NEUROD4: variants seen among roughly 807,000 people sequenced by gnomAD.
The protein encoded by NEUROD4 is neuronal differentiation 4, also known as neurogenic differentiation factor 4.
A neutral mutation model predicts 19.8 loss-of-function variants in NEUROD4; 16 were observed. The ratio of observed to expected loss-of-function variants is 0.81; its 90% CI spans 0.55 to 1.23. The LOEUF (loss-of-function observed/expected upper bound fraction) is 1.23, where lower values mean the gene tolerates loss of function less well. Among genes scored for constraint, NEUROD4 ranks in the 50% most tolerant of loss-of-function variants. NEUROD4 has a pLI of 0.00. For missense variants in NEUROD4, 439 were observed against 398.6 expected (o/e 1.10, Z -0.86); for synonymous variants, 153 against 147.9 (o/e 1.03, Z -0.25).
chr12:55,026,361 AT>A, intron 1 of NEUROD4, 69 bp from the exon 2 acceptor site: 2 of 1,342,404 alleles, frequency 1.5e-6, no homozygotes, highest in South Asian at 1.5e-5. Context: ...ATAATTACAT[AT>A]AAAAAACTTT....
intron 1 of NEUROD4, among the ~76,000 whole-genome samples, chr12:55,022,983 A>T (rs1380469633): frequency 1.3e-5 from 2 of 152,186 alleles, no homozygotes; most frequent in Non-Finnish European, 2.9e-5. Context: ...AAAACTTAAC[A>T]TGAAATTCAT....
chr12:55,023,353 A>T (rs1952688368), intron 1 of NEUROD4, among the ~76,000 whole-genome samples: 1 of 152,208 alleles, frequency 6.6e-6, no homozygotes, highest in South Asian at 2.1e-4. Context: ...TTATTTTTGA[A>T]TAAGCAAACG....
chr12:55,025,567 C>T, intron 1 of NEUROD4, among the ~76,000 whole-genome samples: 1 of 152,150 alleles, frequency 6.6e-6, no homozygotes, highest in East Asian at 1.9e-4. Flanking sequence ...GCAGTGATAA[C>T]CCTCCTTTCT....
Position 55,027,530 on chromosome 12 carries a change from A to G in NEUROD4, c.*95A>G, listed in dbSNP as rs528450436. 4 of 1,152,362 alleles carry G rather than the reference A, an allele frequency of 3.5e-6. No individual in the cohort carries two copies. Among genetic ancestry groups the G allele is most frequent in the Middle Eastern group, 3.0e-4 (1 of 3,366 alleles). 71.4% of individuals were successfully genotyped at this position (1,152,362 alleles called of 1,614,324 possible). Reference sequence around the variant, plus strand: ...GATTCAATGACCTTAAAGGATCCCTATGGATATATATCAAACAATAGTTCA... The same window carrying G: ...GATTCAATGACCTTAAAGGATCCCTGTGGATATATATCAAACAATAGTTCA... On this transcript the variant is annotated 3_prime_UTR_variant, in exon 2 of 2. Transcript: ENST00000242994.
Position 55,026,800 on chromosome 12 carries a change from CA to C in NEUROD4, c.366del (p.Lys122AsnfsTer5). ...AGTCATGCCATGCTACTCTAAAACC[CA>C]AAAACTTTCCAAGATAGAGACTCTT... Reference protein sequence around the residue: ...RRVMPCYSKTQKLSKIETLRL... With the variant: ...RRVMPCYSKTXKLSKIETLRL... On this transcript the variant is annotated frameshift_variant, in exon 2 of 2. Transcript: ENST00000242994. LOFTEE classifies it high-confidence loss of function. 2 of 1,614,118 alleles carry C rather than the reference CA, an allele frequency of 1.2e-6. No homozygotes were observed. Among genetic ancestry groups the C allele is most frequent in the Non-Finnish European group, 1.7e-6 (2 of 1,180,014 alleles).
rs1358592995 is a variant in NEUROD4 at position 55,026,771 on chromosome 12, G to A, written c.332G>A (p.Arg111Lys). 8 of 1,614,030 alleles carry A rather than the reference G, an allele frequency of 5.0e-6. No homozygotes were observed. Among genetic ancestry groups the A allele is most frequent in the Non-Finnish European group, 5.9e-6 (7 of 1,180,004 alleles). The change falls in exon 2 of 2, where the codon AGG becomes AAG. Residue 111 changes from arginine (R) to lysine (K), a missense_variant. Transcript: ENST00000242994. ...HGLNDALDNL[R>K]RVMPCYSKTQ... Reference sequence around the variant, plus strand: ...CTGAATGACGCCCTGGATAACCTGAGGCGAGTCATGCCATGCTACTCTAAA... The same window carrying A: ...CTGAATGACGCCCTGGATAACCTGAAGCGAGTCATGCCATGCTACTCTAAA...
rs1338835828 is a variant in NEUROD4, at chr12:55,028,451, T to C, written c.*1016T>C. ...TAGCTATTGGCTATAATAACTACTA[T>C]AGTTCAGGGACTCTCTCCAGCTCAC... is the stretch of plus-strand genomic sequence containing the variant. On this transcript the variant is annotated 3_prime_UTR_variant, in exon 2 of 2. Coordinates refer to ENST00000242994, the MANE Select transcript of NEUROD4 (RefSeq NM_021191.3). 2 of 167,036 alleles carry C rather than the reference T, an allele frequency of 1.2e-5. No individual in the cohort carries two copies. The highest frequency in any genetic ancestry group is 4.8e-5 in the African/African-American group (2 of 41,448). 10.3% of individuals were successfully genotyped at this position (167,036 alleles called of 1,614,324 possible).
At chr12:55,021,537 T>A (rs1327356076) in intron 1 of NEUROD4, among the ~76,000 whole-genome samples, 2 of 152,150 alleles carry the variant, frequency 1.3e-5, no homozygotes, top group African/African-American at 4.8e-5. Context: ...AAATAAAAAA[T>A]TTGTAAAAGT....
chr12:55,024,246 C>A (rs1041084483), intron 1 of NEUROD4, among the ~76,000 whole-genome samples: 5 of 152,122 alleles, frequency 3.3e-5, no homozygotes, highest in Admixed American at 6.6e-5. Flanking sequence ...GCCTTTCTTT[C>A]TTCCTATAGC....
Position 55,027,500 on chromosome 12 carries a change from C to T in NEUROD4, c.*65C>T, listed in dbSNP as rs1211033697. The T allele has an allele frequency of 6.8e-7, 1 of 1,463,408 alleles. No individual in the cohort carries two copies. Among genetic ancestry groups the T allele is most frequent in the East Asian group, 2.3e-5 (1 of 43,942 alleles). The allele number at this position is 1,463,408 out of a possible 1,614,324, so 90.7% of individuals were successfully genotyped here. A position where few individuals can be genotyped will look rare whatever the true frequency, so the allele number is the denominator to read the frequency against. Reference sequence around the variant, plus strand: ...ATTTTCCATAATTCAAGTGGTTGAGCTAAAGATTCAATGACCTTAAAGGAT... The same window carrying T: ...ATTTTCCATAATTCAAGTGGTTGAGTTAAAGATTCAATGACCTTAAAGGAT... On this transcript the variant is annotated 3_prime_UTR_variant, in exon 2 of 2. Transcript: ENST00000242994.
rs1952748878 is a variant in NEUROD4, at chr12:55,027,445, G to A, written c.*10G>A. ...AGTCTTCACTGAGTGAGGCAGTTAA[G>A]TTCAATGTTTCAGAGAATGACGTGG... On this transcript the variant is annotated 3_prime_UTR_variant, in exon 2 of 2. Coordinates refer to ENST00000242994, the MANE Select transcript of NEUROD4 (RefSeq NM_021191.3). The A allele has an allele frequency of 6.3e-7, 1 of 1,577,152 alleles. No homozygotes were observed. The highest frequency in any genetic ancestry group is 1.4e-5 in the African/African-American group (1 of 73,410).
intron 1 of NEUROD4, among the ~76,000 whole-genome samples, chr12:55,024,153 A>G (rs144566455): frequency 5.4e-4 from 82 of 152,220 alleles, no homozygotes; most frequent in African/African-American, 1.9e-3. Flanking sequence ...AAGGGGGAGG[A>G]TGAGGAAGAG....
Position 55,027,408 on chromosome 12 carries a change from C to G in NEUROD4, c.969C>G (p.Thr323=), listed in dbSNP as rs755025986. 1 of 1,611,314 alleles carries G rather than the reference C, an allele frequency of 6.2e-7. No individual in the cohort carries two copies. Among genetic ancestry groups the G allele is most frequent in the South Asian group, 1.1e-5 (1 of 90,706 alleles). ...YDSYPHHGIG[T]QLNTVFTE ...CCTACCCCCATCATGGTATTGGGAC[C>G]CAACTCAATACAGTCTTCACTGAGT... The change falls in exon 2 of 2, where the codon ACC becomes ACG. Residue 323 remains threonine, a synonymous_variant. Transcript: ENST00000242994.
rs746886568 is a variant in NEUROD4 at position 55,027,014 on chromosome 12, T to C, written c.575T>C (p.Ile192Thr). The C allele has an allele frequency of 1.4e-5, 22 of 1,613,994 alleles. No homozygotes were observed. The Admixed American group carries it at 3.5e-4, about 26-fold the overall frequency. Residue 192 changes from isoleucine (I) to threonine (T), a missense_variant, in exon 2 of 2, where the codon ATT becomes ACT. Ile to Thr is a moderately conservative substitution (Grantham distance 89, BLOSUM62 -1). Transcript: ENST00000242994. ...LLEKHEDKSPICDSAISVHNF... is the reference protein window; with the variant it reads ...LLEKHEDKSPTCDSAISVHNF... Reference sequence around the variant, plus strand: ...GAGAAGCACGAGGATAAATCTCCTATTTGTGACTCTGCCATCTCTGTCCAC... The same window carrying C: ...GAGAAGCACGAGGATAAATCTCCTACTTGTGACTCTGCCATCTCTGTCCAC...
chr12:55,020,847 T>A (rs937097311), intron 1 of NEUROD4, among the ~76,000 whole-genome samples: 1 of 152,202 alleles, frequency 6.6e-6, no homozygotes, highest in African/African-American at 2.4e-5. Context: ...CTAAAAATGC[T>A]TGAATAGTTG....
At chr12:55,021,209 G>A (rs1952671769) in intron 1 of NEUROD4, among the ~76,000 whole-genome samples, 1 of 152,082 alleles carries the variant, frequency 6.6e-6, no homozygotes, top group Admixed American at 6.5e-5. Context: ...TTAATAAAGG[G>A]GAAAATAGTA....
chr12:55,023,411 A>G (rs1952688843), intron 1 of NEUROD4, among the ~76,000 whole-genome samples: 1 of 152,170 alleles, frequency 6.6e-6, no homozygotes, highest in African/African-American at 2.4e-5. Flanking sequence ...CAGGAAATAA[A>G]TGTATAGATG....
Position 55,028,046 on chromosome 12 carries a change from A to G in NEUROD4, c.*611A>G. 6.0e-6 allele frequency: 1 copy of G among 167,220 alleles called. No individual in the cohort carries two copies. 10.4% of individuals were successfully genotyped at this position (167,220 alleles called of 1,614,324 possible). On this transcript the variant is annotated 3_prime_UTR_variant, in exon 2 of 2. Transcript: ENST00000242994. ...GATAGGACCTCTTTGTATCTATTGA[A>G]AAATAGCTTCTGGAAGCTAAAAGTC...
intron 1 of NEUROD4, among the ~76,000 whole-genome samples, chr12:55,021,731 C>G (rs924351299): frequency 6.6e-6 from 1 of 152,080 alleles, no homozygotes; most frequent in Non-Finnish European, 1.5e-5. Context: ...TGAAATTTCA[C>G]TGAAAGACCC....
Sources: allele counts gnomAD v4.1 joint callset (sites outside exome capture counted in the v4.1 genomes callset), GRCh38; gene constraint gnomAD v4.1.1; transcripts MANE v1.5; gene names NCBI Gene and HGNC (gene_info 2026-07-23, HGNC 2026-07-21).